The following ANO3 variants were observed in gnomAD, a reference collection of about 807,000 sequenced individuals.
The protein encoded by ANO3 is anoctamin 3, also known as anoctamin-3.
Under a neutral mutation model 144.8 loss-of-function variants are expected in ANO3, and 99 were observed. That is an observed-to-expected ratio of 0.68 (90% CI 0.58 to 0.81). The LOEUF is 0.81. Ranked by LOEUF, ANO3 falls within the 30% of genes least tolerant of loss-of-function variation. The pLI is 0.00. For synonymous variants in ANO3, 414 were observed against 392.6 expected (o/e 1.05, Z -0.64); for missense variants, 905 against 1,202.2 (o/e 0.75, Z 3.66).
chr11:26,431,047 T>C (rs936415335), intron 1 of ANO3, among the ~76,000 whole-genome samples: 1 of 152,202 alleles, frequency 6.6e-6, no homozygotes, highest in African/African-American at 2.4e-5. Flanking sequence ...TGATGTTCAG[T>C]ATGGTTGTCA....
At chr11:26,234,730 C>T (rs1852477398) in intron 1 of ANO3, among the ~76,000 whole-genome samples, 1 of 152,026 alleles carries the variant, frequency 6.6e-6, no homozygotes, top group Non-Finnish European at 1.5e-5. Flanking sequence ...ACATTATGCC[C>T]CTTTGTTCCT....
rs550164118 is a variant in ANO3, at chr11:26,566,282, C to A, written c.1447+6503C>A. On this transcript the variant is annotated intron_variant, in intron 14 of 26. Transcript: ENST00000256737. Reference sequence around the variant, plus strand: ...ATTTTAAAAATATTGTAAATATAGACCATGTAGAGCTGGCTGATTTCTTCA... The same window carrying A: ...ATTTTAAAAATATTGTAAATATAGAACATGTAGAGCTGGCTGATTTCTTCA... Among the ~76,000 whole-genome samples, 19 of 151,962 alleles carry A rather than the reference C, an allele frequency of 1.3e-4. No homozygotes were observed. The South Asian group carries it at 3.1e-3, about 25-fold the overall frequency.
chr11:26,370,113 T>C (rs1856206490), intron 1 of ANO3, among the ~76,000 whole-genome samples: 1 of 152,194 alleles, frequency 6.6e-6, no homozygotes, highest in African/African-American at 2.4e-5. Flanking sequence ...CTCACCCATA[T>C]CTAGTCTTGA....
chr11:26,650,417 G>C (rs72881763), intron 24 of ANO3, among the ~76,000 whole-genome samples: 3,672 of 152,100 alleles, frequency 0.024, 54 homozygotes, highest in South Asian at 0.04. Context: ...TTCTTAACAT[G>C]TGGTCTGCAG....
At position 26,284,692 on chromosome 11, in the gene ANO3, G is replaced by A. The variant is rs148761768; in HGVS notation, c.155-24953G>A. ...AGGCTGGCGGATCAAGAGGTCAGGA[G>A]ATCCAGACCATCCTGGCTAACACGG... On this transcript the variant is annotated intron_variant, in intron 1 of 27. Coordinates refer to the ANO3 transcript ENST00000672621. Among the ~76,000 whole-genome samples, 834 of 152,038 alleles carry A rather than the reference G, an allele frequency of 5.5e-3. 3 individuals are homozygous for A. Among genetic ancestry groups the A allele is most frequent in the African/African-American group, 0.019 (797 of 41,464 alleles).
intron 1 of ANO3, among the ~76,000 whole-genome samples, chr11:26,237,212 G>A (rs950829280): frequency 6.6e-6 from 1 of 151,992 alleles, no homozygotes. Context: ...TACACTGTTA[G>A]GATTAAATAG....
At chr11:26,473,307 G>A (rs1409837542) in intron 4 of ANO3, among the ~76,000 whole-genome samples, 1 of 151,872 alleles carries the variant, frequency 6.6e-6, no homozygotes, top group East Asian at 1.9e-4. Flanking sequence ...CATCTCTTAT[G>A]TGGATGTTAA....
At chr11:26,230,000 T>A (rs1033045432) in intron 1 of ANO3, among the ~76,000 whole-genome samples, 2 of 152,204 alleles carry the variant, frequency 1.3e-5, no homozygotes, top group Non-Finnish European at 2.9e-5. Context: ...CAGAGCCTCC[T>A]TACTTTTTCC....
rs189493925 is a variant in ANO3 at position 26,371,756 on chromosome 11, C to A, written c.46+39435C>A. On this transcript the variant is annotated intron_variant, in intron 1 of 26. Transcript: ENST00000256737. ...AATGACTGCCCTATTTGATTTCAGA[C>A]TTGTATGAGGCCTATGGCCTTTTTG... Among the ~76,000 whole-genome samples, 5 of 152,312 alleles carry A rather than the reference C, an allele frequency of 3.3e-5. No individual in the cohort carries two copies. The East Asian group carries it at 9.7e-4, about 29-fold the overall frequency.
chr11:26,537,029 G>T (rs2134196092), intron 9 of ANO3, among the ~76,000 whole-genome samples: 1 of 150,224 alleles, frequency 6.7e-6, no homozygotes, highest in Non-Finnish European at 1.5e-5. Context: ...TTTTTGGTAG[G>T]GGACGGGGAC....
At chr11:26,199,290 G>T (rs1219697076) in intron 1 of ANO3, among the ~76,000 whole-genome samples, 1 of 152,020 alleles carries the variant, frequency 6.6e-6, no homozygotes, top group African/African-American at 2.4e-5. Flanking sequence ...GAAATTTAAT[G>T]GGTCCCTAAG....
chr11:26,557,526 G>C lies in ANO3; in HGVS notation c.1387-2193G>C, dbSNP rs149921771. ...GTCCCTCTATTCATAAAGGCAAGCTGTTTTTCTAATAAAATAATTTAATGT... is the reference window on the plus strand; with the variant it reads ...GTCCCTCTATTCATAAAGGCAAGCTCTTTTTCTAATAAAATAATTTAATGT... On this transcript the variant is annotated intron_variant, in intron 13 of 26. Coordinates refer to ENST00000256737, the MANE Select transcript of ANO3 (RefSeq NM_031418.4). 3.1e-3 allele frequency among the ~76,000 whole-genome samples: 464 copies of C among 151,276 alleles called. 5 individuals carry two copies. Among genetic ancestry groups the C allele is most frequent in the African/African-American group, 0.01 (422 of 41,290 alleles).
chr11:26,227,014 T>C (rs1048157560), intron 1 of ANO3, among the ~76,000 whole-genome samples: 2 of 152,188 alleles, frequency 1.3e-5, no homozygotes, highest in Non-Finnish European at 2.9e-5. Flanking sequence ...GCTAAGAAAC[T>C]GATGCTTATA....
At chr11:26,420,305 T>C (rs1022925998) in intron 1 of ANO3, among the ~76,000 whole-genome samples, 5 of 152,096 alleles carry the variant, frequency 3.3e-5, no homozygotes, top group African/African-American at 4.8e-5. Flanking sequence ...CATATGTTGC[T>C]TTCTACTCCC....
chr11:26,394,927 G>T lies in ANO3; in HGVS notation c.47-46991G>T, dbSNP rs117711471. Among the ~76,000 whole-genome samples, 112 of 152,118 alleles carry T rather than the reference G, an allele frequency of 7.4e-4. 2 individuals carry two copies. The East Asian group carries it at 0.021, about 28-fold the overall frequency. ...TATAGATTTTCAAACTTTCTACATG[G>T]TTGTTGATCTCAGAATTAGTAATCA... On this transcript the variant is annotated intron_variant, in intron 1 of 26. Transcript: ENST00000256737.
intron 1 of ANO3, among the ~76,000 whole-genome samples, chr11:26,237,591 G>C (rs1397071034): frequency 6.6e-6 from 1 of 151,700 alleles, no homozygotes; most frequent in Non-Finnish European, 1.5e-5. Flanking sequence ...TGAAGATTTT[G>C]TTCTTCTAAA....
At chr11:26,237,085 A>C (rs17243196) in intron 1 of ANO3, among the ~76,000 whole-genome samples, 37,803 of 152,008 alleles carry the variant, frequency 0.25, 5,675 homozygotes, top group Non-Finnish European at 0.32. Flanking sequence ...TGATTCCGGC[A>C]AAACTGTGTG....
intron 1 of ANO3, among the ~76,000 whole-genome samples, chr11:26,267,386 T>A (rs1242799157): frequency 6.6e-6 from 1 of 152,214 alleles, no homozygotes; most frequent in African/African-American, 2.4e-5. Flanking sequence ...TAATAATTTA[T>A]ATTACATGTC....
chr11:26,494,490 T>C (rs750431487), intron 4 of ANO3, among the ~76,000 whole-genome samples: 6 of 152,168 alleles, frequency 3.9e-5, no homozygotes, highest in Non-Finnish European at 7.3e-5. Flanking sequence ...ACCTCAGGTA[T>C]TTCAACTACA....
Sources: gnomAD v4.1 joint callset for allele counts (sites outside exome capture counted in the v4.1 genomes callset) on GRCh38, gnomAD v4.1.1 for gene constraint, MANE v1.5 for transcripts, NCBI Gene and HGNC (gene_info 2026-07-23, HGNC 2026-07-21) for gene names.